Variants in NSG1 observed in about 807,000 individuals in gnomAD.
NSG1 encodes neuronal vesicle trafficking associated 1.
Under a neutral mutation model 19.3 loss-of-function variants are expected in NSG1, and 9 were observed. The ratio of observed to expected loss-of-function variants is 0.47; its 90% CI spans 0.28 to 0.81. The LOEUF is 0.81. Ranked by LOEUF, NSG1 falls within the 40% of genes least tolerant of loss-of-function variation. The probability of loss-of-function intolerance (pLI) is 0.11; values close to 1 mark genes in which losing one functional copy is unlikely to be tolerated. For synonymous variants in NSG1, 104 were observed against 107.0 expected, an observed-to-expected ratio of 0.97 and a Z score of 0.17; for missense variants, 236 against 242.4, an observed-to-expected ratio of 0.97 and a Z score of 0.18.
At chr4:4,405,490 T>C (rs6446641) in intron 3 of NSG1, among the ~76,000 whole-genome samples, 43,157 of 151,992 alleles carry the variant, frequency 0.28, 8,086 homozygotes, top group African/African-American at 0.53. Context: ...TCCCCCACTT[T>C]GGCGATGAGA....
Position 4,387,775 on chromosome 4 carries a change from C to G in NSG1, c.129+17C>G. On this transcript the variant is annotated intron_variant, in intron 2 of 4. Transcript: ENST00000621129. Reference sequence around the variant, plus strand: ...CCGGATAAGGTAAGCCCCCCCACGCCCCTCCACGTTGCCGGGTGTGCACCC... The same window carrying G: ...CCGGATAAGGTAAGCCCCCCCACGCGCCTCCACGTTGCCGGGTGTGCACCC... The G allele has an allele frequency of 6.3e-7, 1 of 1,585,656 alleles. No homozygotes were observed.
Position 4,417,508 on chromosome 4 carries a change from A to AT in NSG1, c.*74dup. On this transcript the variant is annotated 3_prime_UTR_variant, in exon 5 of 5. Transcript: ENST00000621129. ...GACTTTGAGGGACATTTCATTAAATATAATTACTGATACTTTAGAGGTTAC... is the reference window on the plus strand; with the variant it reads ...GACTTTGAGGGACATTTCATTAAATATTAATTACTGATACTTTAGAGGTTAC... 7.5e-7 allele frequency: 1 copy of AT among 1,332,074 alleles called. No individual in the cohort carries two copies. The highest frequency in any genetic ancestry group is 1.2e-5 in the South Asian group (1 of 81,866). 82.5% of individuals were successfully genotyped at this position (1,332,074 alleles called of 1,614,324 possible).
intron 3 of NSG1, among the ~76,000 whole-genome samples, chr4:4,403,556 A>G (rs966593836): frequency 2.0e-5 from 3 of 152,176 alleles, no homozygotes; most frequent in Admixed American, 6.5e-5. Flanking sequence ...TTACCTTTAG[A>G]GCCCACCTAA....
At chr4:4,404,930 C>T (rs371884348) in intron 3 of NSG1, among the ~76,000 whole-genome samples, 14 of 152,070 alleles carry the variant, frequency 9.2e-5, no homozygotes, top group African/African-American at 3.1e-4. Context: ...TGGCATGGTG[C>T]GGAAGGAACG....
chr4:4,406,413 T>G (rs925806722), intron 3 of NSG1, among the ~76,000 whole-genome samples: 1 of 152,104 alleles, frequency 6.6e-6, no homozygotes, highest in Non-Finnish European at 1.5e-5. Context: ...CAGAATAAAA[T>G]GCAAAGGGTT....
intron 4 of NSG1, among the ~76,000 whole-genome samples, chr4:4,414,960 A>G (rs1237702138): frequency 4.1e-5 from 6 of 147,918 alleles, no homozygotes; most frequent in African/African-American, 7.3e-5. Context: ...TTAAAAAAAA[A>G]CAACAACAAC....
chr4:4,394,554 C>A (rs890249055), intron 3 of NSG1, among the ~76,000 whole-genome samples: 2 of 152,164 alleles, frequency 1.3e-5, no homozygotes, highest in African/African-American at 2.4e-5. Context: ...TCGACCTGAA[C>A]TGGTGACCCG....
intron 2 of NSG1, among the ~76,000 whole-genome samples, chr4:4,388,032 C>T (rs1485181204): frequency 1.0e-5 from 1 of 99,678 alleles, no homozygotes; most frequent in African/African-American, 3.0e-5. Context: ...CTGGGAGCCT[C>T]ATCCGAGAGG....
chr4:4,391,317 G>C (rs1722977074), intron 2 of NSG1, among the ~76,000 whole-genome samples, 158 bp from the exon 3 acceptor site: 1 of 152,226 alleles, frequency 6.6e-6, no homozygotes, highest in South Asian at 2.1e-4. Flanking sequence ...TGAAAGTCCT[G>C]CCACAGAGGA....
intron 3 of NSG1, among the ~76,000 whole-genome samples, chr4:4,400,972 T>C (rs1303889391): frequency 6.6e-6 from 1 of 152,228 alleles, no homozygotes; most frequent in Non-Finnish European, 1.5e-5. Context: ...GGATTTGTGG[T>C]TTCACACAGC....
rs1356502048 is a variant in NSG1, at chr4:4,416,176, G to C, written c.358-1059G>C. On this transcript the variant is annotated intron_variant, in intron 4 of 4. Coordinates refer to ENST00000621129, the MANE Select transcript of NSG1 (RefSeq NM_014392.5). ...ATAGGTGAGGGACCTGAGATTGAGAGAGAAAACACTCCGCACGTGAACTCA... is the reference window on the plus strand; with the variant it reads ...ATAGGTGAGGGACCTGAGATTGAGACAGAAAACACTCCGCACGTGAACTCA... The C allele has an allele frequency of 5.7e-6, 4 of 702,398 alleles. No homozygotes were observed. The South Asian group carries it at 5.9e-5, about 10-fold the overall frequency. The allele number at this position is 702,398 out of a possible 1,614,324, so 43.5% of individuals were successfully genotyped here.
intron 4 of NSG1, among the ~76,000 whole-genome samples, chr4:4,416,333 G>C (rs1455095742): frequency 6.6e-6 from 1 of 152,196 alleles, no homozygotes; most frequent in East Asian, 1.9e-4. Context: ...TTTCTCTTTT[G>C]AAAATAGCTC....
Position 4,391,586 on chromosome 4 carries a change from T to A in NSG1, c.241T>A (p.Phe81Ile). ...CATCACGGAGGGTGTCACCGAGAGGTTTAAGGTGAGTGGTCCTGTGCTGGG... is the reference window on the plus strand; with the variant it reads ...CATCACGGAGGGTGTCACCGAGAGGATTAAGGTGAGTGGTCCTGTGCTGGG... Reference protein sequence around the residue: ...VSITEGVTERFKVSVLVLFAL... With the variant: ...VSITEGVTERIKVSVLVLFAL... Residue 81 changes from phenylalanine to isoleucine, a missense_variant, in exon 3 of 5, where the codon TTT becomes ATT. By Grantham distance (21) the Phe-to-Ile change is conservative. Coordinates refer to ENST00000621129, the MANE Select transcript of NSG1 (RefSeq NM_014392.5). The A allele has an allele frequency of 6.2e-7, 1 of 1,600,782 alleles. No individual in the cohort carries two copies. Among genetic ancestry groups the A allele is most frequent in the Non-Finnish European group, 8.5e-7 (1 of 1,172,972 alleles).
intron 3 of NSG1, among the ~76,000 whole-genome samples, chr4:4,396,712 C>G (rs1236746008): frequency 7.1e-6 from 1 of 140,024 alleles, no homozygotes; most frequent in South Asian, 2.2e-4. Flanking sequence ...CTCCAGTAAG[C>G]CCCTGGTGTG....
intron 3 of NSG1, among the ~76,000 whole-genome samples, chr4:4,403,828 G>A (rs575916556): frequency 1.3e-5 from 2 of 152,292 alleles, no homozygotes; most frequent in East Asian, 1.9e-4. Context: ...AGAAGGCGGC[G>A]GACGTCTCCA....
At chr4:4,414,623 T>C (rs1724414754) in intron 4 of NSG1, among the ~76,000 whole-genome samples, 2 of 152,204 alleles carry the variant, frequency 1.3e-5, no homozygotes, top group South Asian at 4.1e-4. Context: ...CACCTGTTGC[T>C]CACAGAATGC....
chr4:4,396,753 G>T (rs112852819), intron 3 of NSG1, among the ~76,000 whole-genome samples: 1 of 141,060 alleles, frequency 7.1e-6, no homozygotes, highest in Non-Finnish European at 1.6e-5. Context: ...TCCTGCGTGC[G>T]CATCTGTTTC....
intron 4 of NSG1, among the ~76,000 whole-genome samples, chr4:4,410,037 G>A (rs1560146900): frequency 6.6e-6 from 1 of 152,222 alleles, no homozygotes; most frequent in Non-Finnish European, 1.5e-5. Context: ...GGGGAGGGAG[G>A]GAGAGAGACG....
Position 4,417,519 on chromosome 4 carries a change from T to G in NSG1, c.*84T>G, listed in dbSNP as rs1724643917. 7.7e-7 allele frequency: 1 copy of G among 1,296,914 alleles called. No individual in the cohort carries two copies. The highest frequency in any genetic ancestry group is 1.1e-6 in the Non-Finnish European group (1 of 907,910). The allele number at this position is 1,296,914 out of a possible 1,614,324, so 80.3% of individuals were successfully genotyped here. On this transcript the variant is annotated 3_prime_UTR_variant, in exon 5 of 5. Coordinates refer to ENST00000621129, the MANE Select transcript of NSG1 (RefSeq NM_014392.5). ...ACATTTCATTAAATATAATTACTGA[T>G]ACTTTAGAGGTTACTCATTTACGGT...
Sources: gnomAD v4.1 joint callset for allele counts (sites outside exome capture counted in the v4.1 genomes callset) on GRCh38, gnomAD v4.1.1 for gene constraint, MANE v1.5 for transcripts, NCBI Gene and HGNC (gene_info 2026-07-23, HGNC 2026-07-21) for gene names.